MED12L: variants seen among roughly 807,000 people sequenced by gnomAD.
MED12L encodes the protein mediator complex subunit 12L, also known as mediator of RNA polymerase II transcription subunit 12-like protein.
Under a neutral mutation model 281.3 loss-of-function variants are expected in MED12L, and 60 were observed. The observed-to-expected ratio is 0.21, with a 90% CI of 0.17 to 0.26. MED12L has a LOEUF of 0.26. Ranked by LOEUF, MED12L falls within the 10% of genes least tolerant of loss-of-function variation. MED12L has a pLI of 1.00. For missense variants in MED12L, 2,146 were observed against 2,680.9 expected (o/e 0.80, Z 4.41); for synonymous variants, 974 against 987.2 (o/e 0.99, Z 0.25).
chr3:151,357,299 C>T lies in MED12L; in HGVS notation c.2748C>T (p.Val916=). ...LAGSYTTGLC[V]CIVAVLRRYH... ...GAAGTTATACAACAGGACTGTGTGT[C>T]TGCATCGTGGCTGTTCTCAGGCGCT... is the stretch of plus-strand genomic sequence containing the variant. The change falls in exon 20 of 45, where the codon GTC becomes GTT. Residue 916 remains valine (V), a synonymous_variant. Transcript: ENST00000687756. The T allele has an allele frequency of 6.2e-7, 1 of 1,613,924 alleles. No individual in the cohort carries two copies. Among genetic ancestry groups the T allele is most frequent in the Non-Finnish European group, 8.5e-7 (1 of 1,179,884 alleles).
At chr3:151,228,627 A>C (rs533849907) in intron 16 of MED12L, among the ~76,000 whole-genome samples, 3 of 152,320 alleles carry the variant, frequency 2.0e-5, no homozygotes, top group African/African-American at 7.2e-5. Context: ...TGATCCCTCT[A>C]TTCTAGTCAC....
chr3:151,330,069 G>C (rs1459936807), intron 16 of MED12L, among the ~76,000 whole-genome samples: 1 of 152,204 alleles, frequency 6.6e-6, no homozygotes, highest in Non-Finnish European at 1.5e-5. Context: ...TAGAATCCCA[G>C]TTCCACCAAT....
At chr3:151,163,549 A>G (rs1300677709) in intron 8 of MED12L, among the ~76,000 whole-genome samples, 1 of 151,826 alleles carries the variant, frequency 6.6e-6, no homozygotes, top group Non-Finnish European at 1.5e-5. Context: ...ACATATTATA[A>G]GTTCATCTCA....
intron 16 of MED12L, chr3:151,214,262 G>A: frequency 6.2e-7 from 1 of 1,614,034 alleles, no homozygotes; most frequent in Non-Finnish European, 8.5e-7. Context: ...TGAGTGATCA[G>A]GAGGTTCTGA....
At chr3:151,131,343 A>G (rs1376856949) in intron 5 of MED12L, among the ~76,000 whole-genome samples, 3 of 152,224 alleles carry the variant, frequency 2.0e-5, no homozygotes, top group African/African-American at 7.2e-5. Flanking sequence ...GCTCATGCCT[A>G]TAATCCCACC....
chr3:151,127,784 G>A, intron 4 of MED12L, 41 bp from the exon 5 acceptor site: 1 of 1,439,404 alleles, frequency 6.9e-7, no homozygotes, highest in Non-Finnish European at 9.7e-7. Flanking sequence ...GATGAACACA[G>A]TACGTGATTA....
At chr3:151,396,401 G>A (rs1260402105) in intron 39 of MED12L, among the ~76,000 whole-genome samples, 1 of 152,218 alleles carries the variant, frequency 6.6e-6, no homozygotes, top group African/African-American at 2.4e-5. Flanking sequence ...GCTGAGGCAG[G>A]TGGATCACTT....
At chr3:151,250,139 C>T (rs1167317599) in intron 16 of MED12L, among the ~76,000 whole-genome samples, 1 of 152,186 alleles carries the variant, frequency 6.6e-6, no homozygotes, top group Non-Finnish European at 1.5e-5. Flanking sequence ...TTCCCATTCA[C>T]TCTGTAATCT....
chr3:151,327,082 T>A (rs1178370522), intron 16 of MED12L: 1 of 152,226 alleles, frequency 6.6e-6, no homozygotes, highest in Admixed American at 6.5e-5. Flanking sequence ...GGCATGTCTG[T>A]CTCTCAAGAA....
At chr3:151,307,714 C>G (rs1746898923) in intron 16 of MED12L, among the ~76,000 whole-genome samples, 1 of 152,066 alleles carries the variant, frequency 6.6e-6, no homozygotes, top group African/African-American at 2.4e-5. Flanking sequence ...GGGAACTGAG[C>G]AGGATTCAAC....
At chr3:151,202,458 G>A (rs1050389089) in intron 16 of MED12L, among the ~76,000 whole-genome samples, 1 of 152,150 alleles carries the variant, frequency 6.6e-6, no homozygotes, top group African/African-American at 2.4e-5. Flanking sequence ...ATCACTTGAG[G>A]TCAAGAGTTC....
rs534815221 is a variant in MED12L at position 151,134,794 on chromosome 3, T to G, written c.556+6810T>G. 2.0e-5 allele frequency among the ~76,000 whole-genome samples: 3 copies of G among 152,266 alleles called. No homozygotes were observed. The East Asian group carries it at 5.8e-4, about 29-fold the overall frequency. On this transcript the variant is annotated intron_variant, in intron 5 of 44. Coordinates refer to ENST00000687756, the MANE Select transcript of MED12L (RefSeq NM_001393769.1). ...ATGAAGTCTGCAGAGAAATACGTTA[T>G]CAAATAGTTTGACTTGTTGCACCTC...
At chr3:151,266,666 A>G (rs969038837) in intron 16 of MED12L, among the ~76,000 whole-genome samples, 2 of 152,204 alleles carry the variant, frequency 1.3e-5, no homozygotes, top group Admixed American at 1.3e-4. Context: ...AAGTGATATG[A>G]ACATATCAGT....
chr3:151,407,988 G>A (rs1415830743), intron 39 of MED12L, among the ~76,000 whole-genome samples: 1 of 152,164 alleles, frequency 6.6e-6, no homozygotes, highest in African/African-American at 2.4e-5. Context: ...GATTTTAAGA[G>A]GCTATATGTC....
intron 44 of MED12L, 128 bp from the exon 45 acceptor site, chr3:151,432,619 AAGGAT>A: frequency 4.7e-6 from 3 of 635,838 alleles, no homozygotes; most frequent in Non-Finnish European, 8.3e-6. Flanking sequence ...TTTTCAGGGC[AAGGAT>A]AGTACTCTCC....
rs888189714 is a variant in MED12L, at chr3:151,325,980, A to C, written c.2251-24079A>C. Among the ~76,000 whole-genome samples, 40 of 152,338 alleles carry C rather than the reference A, an allele frequency of 2.6e-4. 1 individual carries two copies. The highest frequency in any genetic ancestry group is 8.4e-4 in the African/African-American group (35 of 41,588). ...TTAATTCTTTTATCAGAGAGAATGA[A>C]GATCAGACATCAAGAGTACTTTCTA... is the stretch of plus-strand genomic sequence containing the variant. On this transcript the variant is annotated intron_variant, in intron 16 of 44. Coordinates refer to ENST00000687756, the MANE Select transcript of MED12L (RefSeq NM_001393769.1).
intron 16 of MED12L, among the ~76,000 whole-genome samples, chr3:151,259,054 T>G (rs1261723647): frequency 1.3e-5 from 2 of 152,200 alleles, no homozygotes; most frequent in African/African-American, 4.8e-5. Flanking sequence ...CAAATTTAAT[T>G]TTTAAACGCA....
At chr3:151,409,468 TTG>T in intron 40 of MED12L, 136 bp downstream of exon 40, 1 of 730,556 alleles carries the variant, frequency 1.4e-6, no homozygotes, top group African/African-American at 1.8e-5. Context: ...TAGATTATAA[TTG>T]ATATTTCAAA....
intron 39 of MED12L, among the ~76,000 whole-genome samples, chr3:151,402,778 A>G (rs986941808): frequency 5.3e-5 from 8 of 152,224 alleles, no homozygotes; most frequent in African/African-American, 1.9e-4. Context: ...GAATTAATAA[A>G]ACCCTTATAG....
Sources: gnomAD v4.1 joint callset for allele counts (sites outside exome capture counted in the v4.1 genomes callset) on GRCh38, gnomAD v4.1.1 for gene constraint, MANE v1.5 for transcripts, NCBI Gene and HGNC (gene_info 2026-07-23, HGNC 2026-07-21) for gene names.